SPATA6L: variants seen among roughly 807,000 people sequenced by gnomAD.
SPATA6L encodes spermatogenesis associated 6-like protein.
SPATA6L carries 68 observed loss-of-function variants against 49.2 expected under a neutral mutation model. That is an observed-to-expected ratio of 1.38 (90% CI 1.14 to 1.69). The LOEUF (loss-of-function observed/expected upper bound fraction) is 1.69. SPATA6L is among the 40% of genes most tolerant of loss of function. The pLI, the probability that SPATA6L is intolerant of heterozygous loss-of-function variation, is 0.00. For synonymous variants in SPATA6L, 198 were observed against 165.7 expected, an observed-to-expected ratio of 1.19 and a Z score of -1.50; for missense variants, 668 against 464.3, an observed-to-expected ratio of 1.44 and a Z score of -4.03.
intron 3 of SPATA6L, among the ~76,000 whole-genome samples, chr9:4,649,064 C>T (rs903310929): frequency 2.6e-3 from 1 of 388 alleles, no homozygotes; most frequent in Admixed American, 6.4e-3. Flanking sequence ...TAGAAATATA[C>T]ACACACACAC....
chr9:4,662,888 C>G lies in SPATA6L; in HGVS notation c.40-852G>C. On this transcript the variant is annotated intron_variant, in intron 1 of 11. Coordinates refer to ENST00000682582, the MANE Select transcript of SPATA6L (RefSeq NM_001353486.2). The surrounding 1 kb of genome is among the most constrained non-coding windows in gnomAD (Gnocchi z 4.9). ...GCGAGGTGCTGATGAACCTGCTCTTCGCCCTGCTGTTGGACCTGCTGCTGG... is the reference window on the plus strand; with the variant it reads ...GCGAGGTGCTGATGAACCTGCTCTTGGCCCTGCTGTTGGACCTGCTGCTGG... The G allele has an allele frequency of 6.2e-7, 1 of 1,607,310 alleles. No homozygotes were observed. Among genetic ancestry groups the G allele is most frequent in the Non-Finnish European group, 8.5e-7 (1 of 1,179,958 alleles).
intron 3 of SPATA6L, among the ~76,000 whole-genome samples, chr9:4,638,074 G>A (rs533690259): frequency 6.6e-6 from 1 of 152,224 alleles, no homozygotes; most frequent in African/African-American, 2.4e-5. Flanking sequence ...TGCCCTCCAG[G>A]AGCTTACAGT....
intron 3 of SPATA6L, among the ~76,000 whole-genome samples, chr9:4,647,720 A>G (rs1835730594): frequency 6.6e-6 from 1 of 152,212 alleles, no homozygotes; most frequent in Non-Finnish European, 1.5e-5. Context: ...GGACAAGAAT[A>G]AAATTCAGAT....
At chr9:4,659,296 C>A (rs1213251770) in intron 2 of SPATA6L, among the ~76,000 whole-genome samples, 1 of 152,226 alleles carries the variant, frequency 6.6e-6, no homozygotes, top group Non-Finnish European at 1.5e-5. Flanking sequence ...CTGGGCATCA[C>A]TTTCCAGACC....
chr9:4,602,096 A>G (rs1300744144), intron 11 of SPATA6L, among the ~76,000 whole-genome samples: 2 of 151,684 alleles, frequency 1.3e-5, no homozygotes, highest in East Asian at 3.9e-4. Context: ...CTGGGTGGGA[A>G]TTCCTGTTGT....
chr9:4,611,361 C>A (rs543211943), intron 9 of SPATA6L, among the ~76,000 whole-genome samples: 1 of 148,664 alleles, frequency 6.7e-6, no homozygotes, highest in Non-Finnish European at 1.5e-5. Context: ...ATGTTTATTG[C>A]GGCACTACTC....
At chr9:4,604,296 A>G (rs1311737878) in intron 10 of SPATA6L, 27 bp from the exon 11 acceptor site, 1 of 1,468,278 alleles carries the variant, frequency 6.8e-7, no homozygotes, top group South Asian at 1.1e-5. Flanking sequence ...TCCAGCAATT[A>G]TGTTACCCAT....
In SPATA6L at chr9:4,653,622, T is replaced by C. The variant is rs767057472; in HGVS notation, c.226+2419A>G. Among the ~76,000 whole-genome samples, 28 of 152,248 alleles carry C rather than the reference T, an allele frequency of 1.8e-4. 1 individual carries two copies. The highest frequency in any genetic ancestry group is 3.2e-4 in the Non-Finnish European group (22 of 68,006). ...TCATCTATCTAACAAAGGTCTTGTATCTAGGATATATAAAGAACATTTACA... is the reference window on the plus strand; with the variant it reads ...TCATCTATCTAACAAAGGTCTTGTACCTAGGATATATAAAGAACATTTACA... On this transcript the variant is annotated intron_variant, in intron 3 of 11. Coordinates refer to ENST00000682582, the MANE Select transcript of SPATA6L (RefSeq NM_001353486.2).
intron 3 of SPATA6L, among the ~76,000 whole-genome samples, chr9:4,652,127 A>G (rs1837029194): frequency 6.6e-6 from 1 of 152,234 alleles, no homozygotes; most frequent in Non-Finnish European, 1.5e-5. Flanking sequence ...CAGTATATAA[A>G]AATCAATTGT....
At position 4,646,493 on chromosome 9, in the gene SPATA6L, G is replaced by A. The variant is rs562254061; in HGVS notation, c.226+9548C>T. On this transcript the variant is annotated intron_variant, in intron 3 of 11. Transcript: ENST00000682582. Reference sequence around the variant, plus strand: ...GGATTTACTGCCACATTACCTGGAGGAACTAGCTGTATTAATTCAAACCTG... The same window carrying A: ...GGATTTACTGCCACATTACCTGGAGAAACTAGCTGTATTAATTCAAACCTG... 71 of 1,517,724 alleles carry A rather than the reference G, an allele frequency of 4.7e-5. No homozygotes were observed. In the African/African-American group the frequency reaches 8.6e-4, roughly 18 times the overall value. The allele number at this position is 1,517,724 out of a possible 1,614,324, so 94.0% of individuals were successfully genotyped here. A position where few individuals can be genotyped will look rare whatever the true frequency, so the allele number is the denominator to read the frequency against.
intron 9 of SPATA6L, among the ~76,000 whole-genome samples, chr9:4,613,729 A>C (rs73387225): frequency 0.033 from 5,060 of 152,152 alleles, 285 homozygotes; most frequent in African/African-American, 0.12. Context: ...GACTACAGGT[A>C]TAAGCCACCA....
At chr9:4,589,483 GCC>G (rs2129928950) in intron 13 of SPATA6L, among the ~76,000 whole-genome samples, 1 of 152,302 alleles carries the variant, frequency 6.6e-6, no homozygotes, top group East Asian at 1.9e-4. Flanking sequence ...TTCGTAAACA[GCC>G]CCCATTCTAT....
At chr9:4,613,895 T>C (rs774301836) in intron 9 of SPATA6L, among the ~76,000 whole-genome samples, 1 of 152,048 alleles carries the variant, frequency 6.6e-6, no homozygotes, top group Non-Finnish European at 1.5e-5. Flanking sequence ...TCTCTAAGAA[T>C]GTTTAGGAGG....
chr9:4,658,751 G>A (rs1481413997), intron 2 of SPATA6L, among the ~76,000 whole-genome samples: 1 of 152,114 alleles, frequency 6.6e-6, no homozygotes, highest in Admixed American at 6.5e-5. Flanking sequence ...CAGCACTTTG[G>A]AAGGCCAAGG....
chr9:4,646,218 A>T (rs997236062), intron 3 of SPATA6L: 7 of 252,358 alleles, frequency 2.8e-5, no homozygotes, highest in African/African-American at 4.5e-5. Flanking sequence ...ATTATTTAAT[A>T]ATTAGATAAA....
intron 3 of SPATA6L, among the ~76,000 whole-genome samples, chr9:4,652,180 G>A (rs1837047553): frequency 6.6e-6 from 1 of 152,150 alleles, no homozygotes. Flanking sequence ...CAGCACTTTC[G>A]GAGGCCAAGG....
intron 3 of SPATA6L, among the ~76,000 whole-genome samples, chr9:4,642,043 C>T (rs1230100499): frequency 6.6e-6 from 1 of 152,198 alleles, no homozygotes; most frequent in Non-Finnish European, 1.5e-5. Context: ...GCTGGGATTA[C>T]AGGCGCAAGC....
intron 4 of SPATA6L, among the ~76,000 whole-genome samples, chr9:4,630,043 A>C (rs1393113746): frequency 2.0e-5 from 3 of 152,042 alleles, no homozygotes; most frequent in Non-Finnish European, 4.4e-5. Context: ...AAGTAAGAAA[A>C]GCCAGTCTCA....
intron 3 of SPATA6L, among the ~76,000 whole-genome samples, chr9:4,641,565 G>T (rs112635627): frequency 6.6e-6 from 1 of 152,162 alleles, no homozygotes. Context: ...ACAAGAAAAA[G>T]TCTGTACATG....
Sources: gnomAD v4.1 joint callset for allele counts (sites outside exome capture counted in the v4.1 genomes callset) on GRCh38, gnomAD v4.1.1 for gene constraint, Gnocchi (gnomAD v3.1) non-coding constraint, MANE v1.5 for transcripts, NCBI Gene and HGNC (gene_info 2026-07-23, HGNC 2026-07-21) for gene names.